The following PTPRD variants were observed in gnomAD, a reference collection of about 807,000 sequenced individuals.
The protein encoded by PTPRD is protein tyrosine phosphatase receptor type D.
Under a neutral mutation model 214.5 loss-of-function variants are expected in PTPRD, and 34 were observed. The ratio of observed to expected loss-of-function variants is 0.16; its 90% confidence interval spans 0.12 to 0.21. The LOEUF is 0.21. Ranked by LOEUF, PTPRD falls within the 10% of genes least tolerant of loss-of-function variation. The probability of loss-of-function intolerance (pLI) is 1.00; values close to 1 mark genes in which losing one functional copy is unlikely to be tolerated. For missense variants in PTPRD, 2,545 were observed against 2,398.7 expected (o/e 1.06, Z -1.27); for synonymous variants, 1,128 against 845.7 (o/e 1.33, Z -5.79).
At chr9:8,935,360 G>T in intron 11 of PTPRD, among the ~76,000 whole-genome samples, 1 of 152,046 alleles carries the variant, frequency 6.6e-6, no homozygotes, top group Admixed American at 6.6e-5. Flanking sequence ...AGCATCTCAA[G>T]AACAAACAAA....
intron 39 of PTPRD, among the ~76,000 whole-genome samples, chr9:8,344,526 G>T (rs917540131): frequency 6.6e-6 from 1 of 151,670 alleles, no homozygotes; most frequent in African/African-American, 2.4e-5. Context: ...GGGATGAAAA[G>T]AAATAACAGA....
At chr9:10,333,989 T>A (rs1259870957) in intron 3 of PTPRD, among the ~76,000 whole-genome samples, 1 of 151,806 alleles carries the variant, frequency 6.6e-6, no homozygotes, top group African/African-American at 2.4e-5. Flanking sequence ...GTTTTCCTCA[T>A]TTTTCTTCTT....
chr9:9,399,603 C>A (rs2069353102), intron 8 of PTPRD, among the ~76,000 whole-genome samples: 1 of 152,004 alleles, frequency 6.6e-6, no homozygotes, highest in African/African-American at 2.4e-5. Context: ...ATAATTCCCA[C>A]ATATTGTGGT....
intron 9 of PTPRD, among the ~76,000 whole-genome samples, chr9:9,302,636 T>C (rs1218943309): frequency 6.7e-6 from 1 of 149,338 alleles, no homozygotes; most frequent in Non-Finnish European, 1.5e-5. Context: ...TGGTGTTCTG[T>C]CCTTTGCCTT....
chr9:9,547,617 A>T (rs1019845157), intron 8 of PTPRD, among the ~76,000 whole-genome samples: 4 of 152,042 alleles, frequency 2.6e-5, no homozygotes, highest in African/African-American at 9.7e-5. Context: ...TAGTCTTGTG[A>T]TGACATGCCA....
chr9:9,875,964 G>A (rs866925218), intron 5 of PTPRD, among the ~76,000 whole-genome samples: 24 of 152,072 alleles, frequency 1.6e-4, no homozygotes, highest in Admixed American at 5.9e-4. Flanking sequence ...ACTACTGCAG[G>A]ATCATCTGGA....
At chr9:10,499,209 C>T (rs1031287520) in intron 2 of PTPRD, among the ~76,000 whole-genome samples, 21 of 151,962 alleles carry the variant, frequency 1.4e-4, no homozygotes, top group Admixed American at 5.3e-4. Context: ...GTACACATAC[C>T]AAGCTTGAGG....
At position 8,907,432 on chromosome 9, in the gene PTPRD, G is replaced by A. The variant is rs1329498961; in HGVS notation, c.-104+111265C>T. 6.7e-5 allele frequency among the ~76,000 whole-genome samples: 10 copies of A among 148,858 alleles called. No individual in the cohort carries two copies. The Admixed American group carries it at 6.8e-4, about 10-fold the overall frequency. On this transcript the variant is annotated intron_variant, in intron 11 of 45. Transcript: ENST00000381196. ...ACTCGGGAGGCTGAGGCAGGAGAAT[G>A]ATGTGAACCTGGGAGGCGGAGGTTG... is the stretch of plus-strand genomic sequence containing the variant.
chr9:10,563,983 G>A (rs1236566973), intron 2 of PTPRD, among the ~76,000 whole-genome samples: 1 of 151,428 alleles, frequency 6.6e-6, no homozygotes, highest in Non-Finnish European at 1.5e-5. Flanking sequence ...TGTGCCAGTT[G>A]TTTCCCCTAC....
chr9:8,400,219 A>C (rs547568316), intron 36 of PTPRD, among the ~76,000 whole-genome samples: 1 of 152,306 alleles, frequency 6.6e-6, no homozygotes, highest in South Asian at 2.1e-4. Context: ...TTTTTTATCC[A>C]CAACTGCAAT....
chr9:8,973,519 T>G (rs569045796), intron 11 of PTPRD, among the ~76,000 whole-genome samples: 41 of 152,218 alleles, frequency 2.7e-4, no homozygotes, highest in Non-Finnish European at 5.0e-4. Flanking sequence ...TGTGTTGCAA[T>G]GAACATATGA....
rs186122816 is a variant in PTPRD, at chr9:10,326,468, T to C, written c.-545+14495A>G. Among the ~76,000 whole-genome samples the C allele has an allele frequency of 3.8e-3, 575 of 151,856 alleles. 1 individual carries two copies. Among genetic ancestry groups the C allele is most frequent in the Non-Finnish European group, 6.1e-3 (416 of 67,730 alleles). ...GAAATTAGTTAGATATTATGAAATA[T>C]GCTAATGAGCCAAAGCCAAAAAGTT... On this transcript the variant is annotated intron_variant, in intron 3 of 45. Transcript: ENST00000381196.
At chr9:8,822,274 C>G (rs2097084968) in intron 11 of PTPRD, among the ~76,000 whole-genome samples, 1 of 152,132 alleles carries the variant, frequency 6.6e-6, no homozygotes, top group Non-Finnish European at 1.5e-5. Context: ...TTCATCCATG[C>G]CCAGGTAATG....
intron 2 of PTPRD, among the ~76,000 whole-genome samples, chr9:10,470,835 G>T (rs923165630): frequency 1.3e-5 from 2 of 151,984 alleles, no homozygotes; most frequent in African/African-American, 2.4e-5. Flanking sequence ...TCAGAAGAAA[G>T]ATATGAAATA....
intron 17 of PTPRD, 75 bp from the exon 18 acceptor site, chr9:8,525,110 A>C (rs753241424): frequency 3.4e-5 from 43 of 1,260,418 alleles, no homozygotes; most frequent in Admixed American, 2.7e-4. Flanking sequence ...TAAACCTCTT[A>C]ACAATATGAA....
intron 12 of PTPRD, among the ~76,000 whole-genome samples, chr9:8,641,720 T>A (rs756144365): frequency 1.2e-4 from 18 of 152,188 alleles, no homozygotes; most frequent in Non-Finnish European, 2.4e-4. Context: ...TGGAATTTAG[T>A]AGATTATTAT....
intron 8 of PTPRD, among the ~76,000 whole-genome samples, chr9:9,443,433 C>G (rs888048925): frequency 4.6e-5 from 7 of 152,158 alleles, no homozygotes; most frequent in African/African-American, 1.7e-4. Context: ...AATATAAAGT[C>G]TGTTTTTGGT....
At chr9:10,153,083 A>G (rs1353072577) in intron 3 of PTPRD, among the ~76,000 whole-genome samples, 1 of 152,176 alleles carries the variant, frequency 6.6e-6, no homozygotes, top group African/African-American at 2.4e-5. Context: ...TAAGTTCTGG[A>G]CATCTATTTT....
chr9:9,708,151 T>A (rs1345301921), intron 7 of PTPRD, among the ~76,000 whole-genome samples: 1 of 152,094 alleles, frequency 6.6e-6, no homozygotes, highest in East Asian at 1.9e-4. Context: ...CCTACGTTAG[T>A]CAAATTGACA....
Sources: allele counts gnomAD v4.1 joint callset (sites outside exome capture counted in the v4.1 genomes callset), GRCh38; gene constraint gnomAD v4.1.1; transcripts MANE v1.5; gene names NCBI Gene and HGNC (gene_info 2026-07-23, HGNC 2026-07-21).